CDCA3: variants seen among roughly 807,000 people sequenced by gnomAD.
CDCA3 encodes cell division cycle associated 3.
In CDCA3, 16 loss-of-function variants were observed where a neutral mutation model predicts 29.1. The ratio of observed to expected loss-of-function variants is 0.55; its 90% CI spans 0.37 to 0.83. The LOEUF (loss-of-function observed/expected upper bound fraction) is 0.83, where lower values mean the gene tolerates loss of function less well. Ranked by LOEUF, CDCA3 falls within the 40% of genes least tolerant of loss-of-function variation. CDCA3 has a pLI of 0.00. For synonymous variants in CDCA3, 88 were observed against 124.5 expected (o/e 0.71, Z 1.95); for missense variants, 291 against 327.2 (o/e 0.89, Z 0.85).
Position 6,849,478 on chromosome 12 carries a change from G to A in CDCA3, c.545-49C>T. ...CAAGGACCCAAAACTAGGACTTACAGTTTATTCCTCCCACACTCACCCATG... is the reference window on the plus strand; with the variant it reads ...CAAGGACCCAAAACTAGGACTTACAATTTATTCCTCCCACACTCACCCATG... On this transcript the variant is annotated intron_variant, in intron 4 of 5. Coordinates refer to ENST00000538862, the MANE Select transcript of CDCA3 (RefSeq NM_031299.7). This position sits in a 1 kb window ranked among gnomAD's most constrained non-coding sequence, Gnocchi z 5.2. 1.9e-6 allele frequency: 3 copies of A among 1,556,042 alleles called. No individual in the cohort carries two copies. The highest frequency in any genetic ancestry group is 1.9e-5 in the Admixed American group (1 of 52,928).
In CDCA3 at chr12:6,849,838, T is replaced by G; in HGVS notation, c.271A>C (p.Lys91Gln). The G allele has an allele frequency of 6.5e-7, 1 of 1,547,260 alleles. No individual in the cohort carries two copies. The highest frequency in any genetic ancestry group is 1.2e-5 in the South Asian group (1 of 80,714). The change falls in exon 4 of 6, where the codon AAA becomes CAA. Residue 91 changes from lysine (K) to glutamine (Q), a missense_variant. Transcript: ENST00000538862. This position sits in a 1 kb window ranked among gnomAD's most constrained non-coding sequence, Gnocchi z 5.2. ...GTTTCAAATACTTCACTCAGCTGTT[T>G]CACCAGTGGGCTTGGGGGGTCTAGA... is the stretch of plus-strand genomic sequence containing the variant. Reference protein sequence around the residue: ...SSGDPPSPLVKQLSEVFETED... With the variant: ...SSGDPPSPLVQQLSEVFETED...
chr12:6,850,253 A>G lies in CDCA3; in HGVS notation c.250+214T>C, dbSNP rs902120579. On this transcript the variant is annotated intron_variant, in intron 3 of 5. Coordinates refer to ENST00000538862, the MANE Select transcript of CDCA3 (RefSeq NM_031299.7). The surrounding 1 kb of genome is among the most constrained non-coding windows in gnomAD (Gnocchi z 4.7). ...GGCTGGTCTTGAACTCCTGGGCTCAAGCGATCTGACCACCCCGGCCTTCCA... is the reference window on the plus strand; with the variant it reads ...GGCTGGTCTTGAACTCCTGGGCTCAGGCGATCTGACCACCCCGGCCTTCCA... 15 of 603,598 alleles carry G rather than the reference A, an allele frequency of 2.5e-5. No homozygotes were observed. The highest frequency in any genetic ancestry group is 3.7e-5 in the Non-Finnish European group (13 of 349,154). 37.4% of individuals were successfully genotyped at this position (603,598 alleles called of 1,614,324 possible).
chr12:6,850,105 T>G lies in CDCA3; in HGVS notation c.251-247A>C, dbSNP rs781933087. On this transcript the variant is annotated intron_variant, in intron 3 of 5. Coordinates refer to ENST00000538862, the MANE Select transcript of CDCA3 (RefSeq NM_031299.7). This position sits in a 1 kb window ranked among gnomAD's most constrained non-coding sequence, Gnocchi z 4.7. ...GCCTTGACCTTGTGGGCTCAAGCAA[T>G]CCTCCCACTTCAGCCTCCTGAGTAG... The G allele has an allele frequency of 1.4e-4, 72 of 506,424 alleles. No homozygotes were observed. The highest frequency in any genetic ancestry group is 1.1e-3 in the African/African-American group (59 of 51,960). The allele number at this position is 506,424 out of a possible 1,614,324, so 31.4% of individuals were successfully genotyped here.
At chr12:6,851,174 G>T in intron 1 of CDCA3, 48 bp downstream of exon 1, 1 of 1,368,608 alleles carries the variant, frequency 7.3e-7, no homozygotes, top group Non-Finnish European at 9.4e-7. Context: ...CTCGTTCTGG[G>T]CCTGCTGAGC....
At chr12:6,847,268 C>T (rs912662475), downstream of CDCA3, 7 of 254,936 alleles carry the variant, frequency 2.7e-5, no homozygotes, top group South Asian at 3.0e-4. Flanking sequence ...TGGTATAGGG[C>T]GTTTGGCCCT....
downstream of CDCA3, chr12:6,845,684 C>T (rs782748157): frequency 1.5e-5 from 25 of 1,613,920 alleles, no homozygotes; most frequent in East Asian, 6.7e-5. Context: ...GCTTCTCCCA[C>T]GAGAGCATCA....
At chr12:6,845,875 C>T, downstream of CDCA3, 1 of 1,028,068 alleles carries the variant, frequency 9.7e-7, no homozygotes, top group Non-Finnish European at 1.5e-6. Context: ...CATTCTGTAC[C>T]CCCCATCAGC....
In CDCA3 at chr12:6,849,281, GT is replaced by G. The variant is rs1943774573; in HGVS notation, c.651+41del. On this transcript the variant is annotated intron_variant, in intron 5 of 5. Transcript: ENST00000538862. The surrounding 1 kb of genome is among the most constrained non-coding windows in gnomAD (Gnocchi z 5.2). ...GGTAAAAGGGTCTCCCACCCTCTAC[GT>G]TGGATATCCTAGTAACAGCTTGCAC... The G allele has an allele frequency of 1.3e-6, 2 of 1,596,614 alleles. No individual in the cohort carries two copies. The highest frequency in any genetic ancestry group is 1.7e-6 in the Non-Finnish European group (2 of 1,169,026).
chr12:6,850,518 G>C lies in CDCA3; in HGVS notation c.199C>G (p.Arg67Gly), dbSNP rs565223479. ...CGTGCAATACCAAGAGTAGGAGAGC[G>C]GGGATCTGAGTCCTGGGCATGTTTA... ...GLKHAQDSDP[R>G]SPTLGIARTP... is the part of the protein sequence containing the mutation. Residue 67 changes from arginine to glycine, a missense_variant, in exon 3 of 6, where the codon CGC becomes GGC. Transcript: ENST00000538862. This position sits in a 1 kb window ranked among gnomAD's most constrained non-coding sequence, Gnocchi z 4.7. 5 of 1,614,060 alleles carry C rather than the reference G, an allele frequency of 3.1e-6. No individual in the cohort carries two copies. In the Admixed American group the frequency reaches 6.7e-5, roughly 22 times the overall value.
At chr12:6,847,539 G>A (rs1283398655), downstream of CDCA3, 1 of 152,824 alleles carries the variant, frequency 6.5e-6, no homozygotes, top group South Asian at 2.1e-4. Context: ...GATGGGTCAG[G>A]GGGAGAAGGT....
chr12:6,846,720 C>A, downstream of CDCA3: 1 of 816,530 alleles, frequency 1.2e-6, no homozygotes, highest in Non-Finnish European at 2.1e-6. Flanking sequence ...CACACATACA[C>A]TTACACGCAT....
intron 1 of CDCA3, 50 bp downstream of exon 1, chr12:6,851,172 G>A (rs1943873873): frequency 1.5e-6 from 2 of 1,374,612 alleles, no homozygotes; most frequent in African/African-American, 1.5e-5. Context: ...GGCTCGTTCT[G>A]GGCCTGCTGA....
downstream of CDCA3, chr12:6,846,596 T>C: frequency 3.9e-6 from 2 of 514,068 alleles, no homozygotes; most frequent in South Asian, 5.4e-5. Flanking sequence ...CTAGGATCCC[T>C]GCATGCATGT....
In CDCA3 at chr12:6,850,358, G is replaced by A; in HGVS notation, c.250+109C>T. ...GAGATAAGAGTGAGATGGGTCCGAA[G>A]CAGGAGGATAGAGGCCCCTTTAAGG... On this transcript the variant is annotated intron_variant, in intron 3 of 5. Transcript: ENST00000538862. This position sits in a 1 kb window ranked among gnomAD's most constrained non-coding sequence, Gnocchi z 4.7. 7.2e-7 allele frequency: 1 copy of A among 1,390,184 alleles called. No homozygotes were observed. The highest frequency in any genetic ancestry group is 1.8e-5 in the Admixed American group (1 of 54,506). The allele number at this position is 1,390,184 out of a possible 1,614,324, so 86.1% of individuals were successfully genotyped here. A position where few individuals can be genotyped will look rare whatever the true frequency, so the allele number is the denominator to read the frequency against.
Position 6,849,182 on chromosome 12 carries a change from G to A in CDCA3, c.668C>T (p.Pro223Leu). ...TAGTTCACTAACATTTTCACTTAGG[G>A]GTGAAGGCCGCTTACCCTGAAAACG... Reference protein sequence around the residue: ...LTLRQGKRPSPLSENVSELKE... With the variant: ...LTLRQGKRPSLLSENVSELKE... Residue 223 changes from proline to leucine, a missense_variant, in exon 6 of 6, where the codon CCC becomes CTC. Coordinates refer to ENST00000538862, the MANE Select transcript of CDCA3 (RefSeq NM_031299.7). This position sits in a 1 kb window ranked among gnomAD's most constrained non-coding sequence, Gnocchi z 5.2. 6.2e-7 allele frequency: 1 copy of A among 1,614,166 alleles called. No individual in the cohort carries two copies. Among genetic ancestry groups the A allele is most frequent in the South Asian group, 1.1e-5 (1 of 91,080 alleles).
In CDCA3 at chr12:6,849,405, G is replaced by T; in HGVS notation, c.569C>A (p.Pro190Gln). The T allele has an allele frequency of 1.2e-6, 2 of 1,600,226 alleles. No individual in the cohort carries two copies. Among genetic ancestry groups the T allele is most frequent in the Non-Finnish European group, 1.7e-6 (2 of 1,173,306 alleles). Residue 190 changes from proline (P) to glutamine (Q), a missense_variant, in exon 5 of 6, where the codon CCA becomes CAA. Physicochemically the swap from Pro to Gln is moderately conservative, Grantham distance 76. Coordinates refer to ENST00000538862, the MANE Select transcript of CDCA3 (RefSeq NM_031299.7). The surrounding 1 kb of genome is among the most constrained non-coding windows in gnomAD (Gnocchi z 5.2). ...SSGSMRNRWK[P>Q]NSSKVLGRSP... ...TCTCCCTAGTACCTTGCTGCTGTTTGGTTTCCATCTATTGCGCATAGAACC... is the reference window on the plus strand; with the variant it reads ...TCTCCCTAGTACCTTGCTGCTGTTTTGTTTCCATCTATTGCGCATAGAACC...
At position 6,851,044 on chromosome 12, in the gene CDCA3, C is replaced by G. The variant is rs1156308936; in HGVS notation, c.-57-35G>C. 6.1e-6 allele frequency: 9 copies of G among 1,477,494 alleles called. No homozygotes were observed. The African/African-American group carries it at 7.0e-5, about 11-fold the overall frequency. The allele number at this position is 1,477,494 out of a possible 1,614,324, so 91.5% of individuals were successfully genotyped here. On this transcript the variant is annotated intron_variant, in intron 1 of 5. Transcript: ENST00000538862. Reference sequence around the variant, plus strand: ...GTGACTCAGGTCTCAGCCCTTATCTCTTCCACGTCGGACCTTCAACCCTAA... The same window carrying G: ...GTGACTCAGGTCTCAGCCCTTATCTGTTCCACGTCGGACCTTCAACCCTAA...
At chr12:6,845,680 CCCA>C (rs1555124495), downstream of CDCA3, 1 of 1,613,930 alleles carries the variant, frequency 6.2e-7, no homozygotes, top group Non-Finnish European at 8.5e-7. Flanking sequence ...ATCTGCTTCT[CCCA>C]CGAGAGCATC....
downstream of CDCA3, chr12:6,846,826 C>G (rs1943714663): frequency 6.2e-7 from 1 of 1,600,988 alleles, no homozygotes; most frequent in African/African-American, 1.3e-5. Flanking sequence ...GGGTGAGCTG[C>G]CTGGGAGTCA....
Sources: gnomAD v4.1 joint callset for allele counts on GRCh38, gnomAD v4.1.1 for gene constraint, Gnocchi (gnomAD v3.1) non-coding constraint, MANE v1.5 for transcripts, NCBI Gene and HGNC (gene_info 2026-07-23, HGNC 2026-07-21) for gene names.